The following VIPR2 variants were observed in gnomAD, a reference collection of about 807,000 sequenced individuals.
The protein encoded by VIPR2 is vasoactive intestinal peptide receptor 2.
A neutral mutation model predicts 58.0 loss-of-function variants in VIPR2; 48 were observed. The observed-to-expected ratio is 0.83, with a 90% CI of 0.66 to 1.05. The LOEUF (loss-of-function observed/expected upper bound fraction) is 1.05. VIPR2 is among the 50% of genes least tolerant of loss of function. VIPR2 has a pLI of 0.00. For synonymous variants in VIPR2, 243 were observed against 235.2 expected (o/e 1.03, Z -0.30); for missense variants, 534 against 558.0 (o/e 0.96, Z 0.43).
intron 4 of VIPR2, among the ~76,000 whole-genome samples, chr7:159,084,723 C>T (rs1055273059): frequency 2.0e-5 from 3 of 152,288 alleles, no homozygotes; most frequent in South Asian, 2.1e-4. Context: ...CTGGTGCTGG[C>T]GCGGAGTGGG....
At chr7:159,124,150 A>T (rs1297507523) in intron 2 of VIPR2, among the ~76,000 whole-genome samples, 1 of 152,176 alleles carries the variant, frequency 6.6e-6, no homozygotes, top group Non-Finnish European at 1.5e-5. Flanking sequence ...CTTTAGTTTA[A>T]TTAGACTCCA....
intron 4 of VIPR2, among the ~76,000 whole-genome samples, chr7:159,062,103 A>G (rs1173318775): frequency 6.6e-6 from 1 of 152,168 alleles, no homozygotes; most frequent in East Asian, 1.9e-4. Context: ...GCGGGTGTGA[A>G]GCAGACGAGA....
At chr7:159,065,462 G>A (rs1206443816) in intron 4 of VIPR2, among the ~76,000 whole-genome samples, 2 of 152,200 alleles carry the variant, frequency 1.3e-5, no homozygotes, top group Admixed American at 6.5e-5. Flanking sequence ...AGTGGAGGCT[G>A]CACAGTTCTC....
At chr7:159,110,033 C>T in intron 2 of VIPR2, 114 bp from the exon 3 acceptor site, 4 of 911,262 alleles carry the variant, frequency 4.4e-6, no homozygotes, top group Non-Finnish European at 5.1e-6. Context: ...AACACACTTG[C>T]ACCAACACAA....
chr7:159,045,100 G>A (rs1854568515), intron 5 of VIPR2, among the ~76,000 whole-genome samples: 1 of 152,172 alleles, frequency 6.6e-6, no homozygotes, highest in South Asian at 2.1e-4. Context: ...GAAATCATCT[G>A]TGAACTTGCA....
At chr7:159,083,592 C>A (rs1373132622) in intron 4 of VIPR2, among the ~76,000 whole-genome samples, 4 of 152,134 alleles carry the variant, frequency 2.6e-5, no homozygotes, top group African/African-American at 9.6e-5. Context: ...CCAGGGCAGC[C>A]AGTACCCACT....
At chr7:159,120,398 C>T (rs904621853) in intron 2 of VIPR2, among the ~76,000 whole-genome samples, 2 of 123,182 alleles carry the variant, frequency 1.6e-5, no homozygotes, top group South Asian at 3.1e-4. Flanking sequence ...ACCTGGACCC[C>T]TCCCAGGTCA....
chr7:159,137,329 TTCAG>T (rs2129497993), intron 2 of VIPR2, among the ~76,000 whole-genome samples: 1 of 152,290 alleles, frequency 6.6e-6, no homozygotes, highest in Non-Finnish European at 1.5e-5. Flanking sequence ...TAAAAATTAA[TTCAG>T]TGAGATTTGT....
intron 2 of VIPR2, among the ~76,000 whole-genome samples, chr7:159,118,392 A>G (rs1796324536): frequency 6.6e-6 from 1 of 152,236 alleles, no homozygotes; most frequent in Non-Finnish European, 1.5e-5. Context: ...ATGTGAAAGC[A>G]GTCAGCCTGG....
intron 2 of VIPR2, among the ~76,000 whole-genome samples, chr7:159,116,355 A>T (rs1417045739): frequency 6.6e-6 from 1 of 152,234 alleles, no homozygotes; most frequent in African/African-American, 2.4e-5. Flanking sequence ...GAGCAGAGTC[A>T]CATGGGCCCT....
intron 1 of VIPR2, among the ~76,000 whole-genome samples, chr7:159,143,118 A>G (rs1001843651): frequency 6.6e-6 from 1 of 152,242 alleles, no homozygotes; most frequent in African/African-American, 2.4e-5. Flanking sequence ...GAATCACACC[A>G]TTGTGGCCCC....
intron 4 of VIPR2, among the ~76,000 whole-genome samples, chr7:159,082,711 T>A (rs958298433): frequency 6.6e-6 from 1 of 152,206 alleles, no homozygotes; most frequent in Non-Finnish European, 1.5e-5. Context: ...GGTAGTAGAA[T>A]AGGCTGTGCT....
intron 1 of VIPR2, chr7:159,144,258 T>C: frequency 1.5e-5 from 20 of 1,333,752 alleles, no homozygotes; most frequent in Non-Finnish European, 1.8e-5. Flanking sequence ...AAGGAAACTT[T>C]ATTTAACCGA....
intron 2 of VIPR2, among the ~76,000 whole-genome samples, chr7:159,114,814 A>AGC (rs2129496529): frequency 7.6e-6 from 1 of 132,068 alleles, no homozygotes; most frequent in African/African-American, 2.8e-5. Context: ...AAAGAGAGAG[A>AGC]GGGAGAGAGA....
intron 6 of VIPR2, among the ~76,000 whole-genome samples, chr7:159,039,920 C>A (rs930129939): frequency 6.6e-6 from 1 of 152,168 alleles, no homozygotes; most frequent in East Asian, 1.9e-4. Context: ...GGATGGGCTA[C>A]GCGGAGAACA....
intron 4 of VIPR2, among the ~76,000 whole-genome samples, chr7:159,100,077 G>A (rs1858114389): frequency 1.3e-5 from 2 of 152,126 alleles, no homozygotes; most frequent in Admixed American, 1.3e-4. Flanking sequence ...CATCTTAGAC[G>A]GGCCCACAGG....
chr7:159,056,448 G>A (rs772225620), intron 5 of VIPR2, among the ~76,000 whole-genome samples: 6 of 152,128 alleles, frequency 3.9e-5, no homozygotes, highest in Non-Finnish European at 7.3e-5. Context: ...GTTCAAACCC[G>A]TGTTGTCTGA....
chr7:159,120,617 T>C (rs117059036), intron 2 of VIPR2, among the ~76,000 whole-genome samples: 136 of 152,364 alleles, frequency 8.9e-4, no homozygotes, highest in Non-Finnish European at 1.7e-3. Flanking sequence ...GCTGGGAACA[T>C]GTTCCGACAC....
At chr7:159,080,481 G>A (rs1227293855) in intron 4 of VIPR2, among the ~76,000 whole-genome samples, 4 of 152,106 alleles carry the variant, frequency 2.6e-5, no homozygotes, top group African/African-American at 7.2e-5. Context: ...AATAATAAGA[G>A]CTATCTATGA....
Sources: gnomAD v4.1 joint callset for allele counts (sites outside exome capture counted in the v4.1 genomes callset) on GRCh38, gnomAD v4.1.1 for gene constraint, MANE v1.5 for transcripts, NCBI Gene and HGNC (gene_info 2026-07-23, HGNC 2026-07-21) for gene names.